The following MAP2K6 variants were observed in gnomAD, a reference collection of about 807,000 sequenced individuals.
MAP2K6 encodes the protein dual specificity mitogen-activated protein kinase kinase 6.
A neutral mutation model predicts 53.7 loss-of-function variants in MAP2K6; 16 were observed. The observed-to-expected ratio is 0.30, with a 90% CI of 0.20 to 0.45. The LOEUF (loss-of-function observed/expected upper bound fraction) is 0.45. Among genes scored for constraint, MAP2K6 ranks in the 20% least tolerant of loss-of-function variants. The probability of loss-of-function intolerance (pLI) is 1.00; values close to 1 mark genes in which losing one functional copy is unlikely to be tolerated. For synonymous variants in MAP2K6, 132 were observed against 143.1 expected (o/e 0.92, Z 0.55); for missense variants, 204 against 411.9 (o/e 0.50, Z 4.37).
intron 7 of MAP2K6, chr17:69,521,307 T>C (rs1910454699): frequency 4.6e-6 from 2 of 432,364 alleles, no homozygotes; most frequent in Non-Finnish European, 8.2e-6. Flanking sequence ...GACGTGATCT[T>C]TGTCTTACAT....
At chr17:69,460,496 T>C (rs1444193055) in intron 1 of MAP2K6, among the ~76,000 whole-genome samples, 1 of 152,186 alleles carries the variant, frequency 6.6e-6, no homozygotes, top group Admixed American at 6.5e-5. Context: ...CATGAACATA[T>C]GTCTGTGATG....
At chr17:69,422,867 T>A (rs1157880466) in intron 1 of MAP2K6, among the ~76,000 whole-genome samples, 1 of 152,106 alleles carries the variant, frequency 6.6e-6, no homozygotes, top group Non-Finnish European at 1.5e-5. Context: ...TAGCTTCAGC[T>A]GTTGTTTTTG....
At chr17:69,441,196 A>G (rs1906805734) in intron 1 of MAP2K6, among the ~76,000 whole-genome samples, 1 of 152,124 alleles carries the variant, frequency 6.6e-6, no homozygotes, top group Admixed American at 6.5e-5. Context: ...CCCTCAATTA[A>G]CCAATGAAGA....
intron 8 of MAP2K6, among the ~76,000 whole-genome samples, chr17:69,523,966 G>A (rs1425201040): frequency 6.6e-6 from 1 of 152,246 alleles, no homozygotes; most frequent in Non-Finnish European, 1.5e-5. Context: ...GAGGGCTCAC[G>A]TTTCTCAGGA....
At chr17:69,438,168 CTTG>C (rs1174263675) in intron 1 of MAP2K6, among the ~76,000 whole-genome samples, 12 of 152,200 alleles carry the variant, frequency 7.9e-5, no homozygotes, top group Admixed American at 3.3e-4. Context: ...GAATGGCTGA[CTTG>C]TTGTAAAGCT....
intron 1 of MAP2K6, among the ~76,000 whole-genome samples, chr17:69,423,836 C>G (rs1352838353): frequency 6.6e-6 from 1 of 152,186 alleles, no homozygotes; most frequent in Non-Finnish European, 1.5e-5. Context: ...CTTCATCCTC[C>G]CCTTATTGAT....
chr17:69,532,630 T>C (rs1911141114), intron 10 of MAP2K6, among the ~76,000 whole-genome samples: 1 of 152,218 alleles, frequency 6.6e-6, no homozygotes, highest in African/African-American at 2.4e-5. Context: ...TTATCCTGAG[T>C]GTATTGCTAT....
Position 69,494,710 on chromosome 17 carries a change from C to T in MAP2K6, c.17-11070C>T, listed in dbSNP as rs558818026. On this transcript the variant is annotated intron_variant, in intron 1 of 11. Coordinates refer to ENST00000590474, the MANE Select transcript of MAP2K6 (RefSeq NM_002758.4). This position sits in a 1 kb window ranked among gnomAD's most constrained non-coding sequence, Gnocchi z 4.2. ...GGTTAAAAGGGAGGTGATCAGAGTG[C>T]TATTAAAATTGTGGGCCGGGCGTGG... is the stretch of plus-strand genomic sequence containing the variant. Among the ~76,000 whole-genome samples the T allele has an allele frequency of 2.4e-3, 357 of 151,234 alleles. 1 individual carries two copies. The highest frequency in any genetic ancestry group is 4.2e-3 in the Non-Finnish European group (283 of 67,750).
intron 10 of MAP2K6, among the ~76,000 whole-genome samples, chr17:69,531,665 A>C (rs1023950771): frequency 6.6e-5 from 10 of 152,220 alleles, no homozygotes; most frequent in African/African-American, 2.4e-4. Context: ...AGAATTAACC[A>C]TATGAACGTA....
intron 7 of MAP2K6, chr17:69,521,323 T>C (rs1431500450): frequency 1.2e-5 from 5 of 423,628 alleles, no homozygotes; most frequent in Non-Finnish European, 1.7e-5. Context: ...TACATCCAAA[T>C]TGAATATAAA....
chr17:69,415,251 T>G (rs1905861049), intron 1 of MAP2K6, among the ~76,000 whole-genome samples: 1 of 152,198 alleles, frequency 6.6e-6, no homozygotes, highest in Non-Finnish European at 1.5e-5. Context: ...CTTTTTGCCT[T>G]TTGCACAGTC....
chr17:69,521,197 A>C, intron 7 of MAP2K6, 97 bp downstream of exon 7: 5 of 1,047,524 alleles, frequency 4.8e-6, no homozygotes, highest in Non-Finnish European at 7.2e-6. Context: ...GGGTGGAAGT[A>C]GAATTGACTC....
chr17:69,450,982 G>T (rs770714335), intron 1 of MAP2K6, among the ~76,000 whole-genome samples: 3 of 152,156 alleles, frequency 2.0e-5, no homozygotes, highest in Non-Finnish European at 2.9e-5. Flanking sequence ...TTTTATGTGA[G>T]CTGGATCCAG....
intron 1 of MAP2K6, among the ~76,000 whole-genome samples, chr17:69,469,973 G>A (rs537425667): frequency 2.0e-5 from 3 of 152,162 alleles, no homozygotes; most frequent in East Asian, 1.9e-4. Context: ...AGGCTGAGGC[G>A]GGTGGATCAT....
chr17:69,517,666 C>A, intron 4 of MAP2K6, 53 bp downstream of exon 4: 1 of 1,249,718 alleles, frequency 8.0e-7, no homozygotes, highest in Non-Finnish European at 1.1e-6. Flanking sequence ...TACATTTGTC[C>A]ACCTCAATTG....
chr17:69,507,226 C>T (rs749370825), intron 2 of MAP2K6, among the ~76,000 whole-genome samples: 25 of 152,164 alleles, frequency 1.6e-4, no homozygotes, highest in Admixed American at 3.3e-4. Context: ...ACTCCCCCGC[C>T]ATCCCAAGTT....
intron 1 of MAP2K6, among the ~76,000 whole-genome samples, chr17:69,436,693 C>A (rs866611451): frequency 6.6e-6 from 1 of 152,176 alleles, no homozygotes; most frequent in African/African-American, 2.4e-5. Context: ...CCTGCAGAAT[C>A]CTCATGTGTC....
At chr17:69,487,692 C>T (rs985017729) in intron 1 of MAP2K6, among the ~76,000 whole-genome samples, 2 of 152,178 alleles carry the variant, frequency 1.3e-5, no homozygotes, top group South Asian at 4.1e-4. Flanking sequence ...CTCTTTTTCA[C>T]AGGGTCTTGT....
rs1456659328 is a variant in MAP2K6 at position 69,517,620 on chromosome 17, T to A, written c.246+7T>A. 6.3e-7 allele frequency: 1 copy of A among 1,581,962 alleles called. No individual in the cohort carries two copies. The highest frequency in any genetic ancestry group is 1.4e-5 in the African/African-American group (1 of 73,752). On this transcript the variant is annotated splice_region_variant and intron_variant, in intron 4 of 11. Coordinates refer to ENST00000590474, the MANE Select transcript of MAP2K6 (RefSeq NM_002758.4). ...GCAGATCATGGCAGTGAAGGTAGAG[T>A]TGACATTCTCCCAAATGTTTTATAT...
Sources: allele counts gnomAD v4.1 joint callset (sites outside exome capture counted in the v4.1 genomes callset), GRCh38; gene constraint gnomAD v4.1.1; non-coding constraint Gnocchi (gnomAD v3.1); transcripts MANE v1.5; gene names NCBI Gene and HGNC (gene_info 2026-07-23, HGNC 2026-07-21).